CRACR2A: variants seen among roughly 807,000 people sequenced by gnomAD.
CRACR2A encodes EF-hand calcium-binding domain-containing protein 4B.
CRACR2A carries 79 observed loss-of-function variants against 90.5 expected under a neutral mutation model. That is an observed-to-expected ratio of 0.87 (90% CI 0.73 to 1.05). The LOEUF (loss-of-function observed/expected upper bound fraction) is 1.05. CRACR2A is among the 50% of genes least tolerant of loss of function. CRACR2A has a pLI of 0.00. For missense variants in CRACR2A, 823 were observed against 897.2 expected (o/e 0.92, Z 1.06); for synonymous variants, 338 against 356.7 (o/e 0.95, Z 0.59).
intron 3 of CRACR2A, among the ~76,000 whole-genome samples, chr12:3,710,398 G>C (rs1371782160): frequency 1.3e-5 from 2 of 152,102 alleles, no homozygotes; most frequent in Non-Finnish European, 2.9e-5. Flanking sequence ...CAGTTCTGGA[G>C]GCTGGAAGTC....
intron 3 of CRACR2A, among the ~76,000 whole-genome samples, chr12:3,703,103 G>A (rs954352095): frequency 3.3e-5 from 5 of 152,132 alleles, no homozygotes; most frequent in Non-Finnish European, 7.4e-5. Context: ...CAGCTTTTTT[G>A]TTTTTTGTTT....
intron 14 of CRACR2A, among the ~76,000 whole-genome samples, chr12:3,637,015 G>T (rs1014370232): frequency 6.6e-6 from 1 of 152,194 alleles, no homozygotes; most frequent in African/African-American, 2.4e-5. Context: ...CAGGATGAGG[G>T]CTCGAGGGGC....
At chr12:3,673,663 C>G in intron 6 of CRACR2A, 71 bp from the exon 7 acceptor site, 1 of 1,558,710 alleles carries the variant, frequency 6.4e-7, no homozygotes, top group Non-Finnish European at 8.7e-7. Flanking sequence ...GGTTCCCAGA[C>G]AGGAAACTGA....
intron 1 of CRACR2A, among the ~76,000 whole-genome samples, chr12:3,742,314 T>C (rs1355958279): frequency 6.6e-6 from 1 of 152,198 alleles, no homozygotes; most frequent in Non-Finnish European, 1.5e-5. Flanking sequence ...GGTGGTCCCA[T>C]CTTCTTCCAC....
chr12:3,666,033 T>A (rs1945128260), intron 7 of CRACR2A, among the ~76,000 whole-genome samples: 1 of 151,996 alleles, frequency 6.6e-6, no homozygotes, highest in Non-Finnish European at 1.5e-5. Context: ...TGGTCATCTG[T>A]GACCTCAGAG....
intron 11 of CRACR2A, among the ~76,000 whole-genome samples, chr12:3,647,319 A>G (rs148145999): frequency 1.1e-4 from 16 of 151,400 alleles, no homozygotes; most frequent in African/African-American, 3.9e-4. Context: ...TAAGCTTGGT[A>G]ACCCTGGATC....
At chr12:3,695,936 CT>C (rs1202610302) in intron 4 of CRACR2A, among the ~76,000 whole-genome samples, 1 of 152,230 alleles carries the variant, frequency 6.6e-6, no homozygotes, top group Non-Finnish European at 1.5e-5. Flanking sequence ...AACTCTGCCC[CT>C]GGGCTAAACC....
At chr12:3,695,762 C>A (rs1050105897) in intron 4 of CRACR2A, among the ~76,000 whole-genome samples, 2 of 152,190 alleles carry the variant, frequency 1.3e-5, no homozygotes, top group African/African-American at 4.8e-5. Context: ...GTGAGTGACA[C>A]AAAGACTCAG....
intron 10 of CRACR2A, among the ~76,000 whole-genome samples, chr12:3,649,757 T>C (rs1212009773): frequency 6.8e-6 from 1 of 147,524 alleles, no homozygotes; most frequent in East Asian, 2.0e-4. Flanking sequence ...CAAATAGTTG[T>C]AGGAAGAAAG....
chr12:3,649,955 T>A (rs1395565296), intron 10 of CRACR2A, among the ~76,000 whole-genome samples: 2 of 152,088 alleles, frequency 1.3e-5, no homozygotes, highest in Non-Finnish European at 2.9e-5. Flanking sequence ...AGCACTTAGG[T>A]GATAATGGGA....
intron 6 of CRACR2A, among the ~76,000 whole-genome samples, chr12:3,675,330 C>A (rs1171085913): frequency 1.3e-5 from 2 of 151,908 alleles, no homozygotes; most frequent in African/African-American, 4.8e-5. Flanking sequence ...TGGTGACCTC[C>A]CATCCCTGTG....
chr12:3,678,817 C>G, intron 6 of CRACR2A, 98 bp downstream of exon 6: 1 of 1,356,944 alleles, frequency 7.4e-7, no homozygotes, highest in Non-Finnish European at 1.0e-6. Context: ...GTGCAGGGAC[C>G]AGCACCACAT....
At chr12:3,705,591 T>G (rs1945904130) in intron 3 of CRACR2A, among the ~76,000 whole-genome samples, 1 of 152,176 alleles carries the variant, frequency 6.6e-6, no homozygotes, top group South Asian at 2.1e-4. Context: ...CAGGCTTCAG[T>G]GGGAGGGATC....
At chr12:3,619,760 TGGCCAG>T (rs1290875594) in intron 17 of CRACR2A, among the ~76,000 whole-genome samples, 2 of 152,210 alleles carry the variant, frequency 1.3e-5, no homozygotes, top group African/African-American at 4.8e-5. Flanking sequence ...CGTGCCTAAT[TGGCCAG>T]GCTTAGTCCG....
Position 3,641,879 on chromosome 12 carries a change from C to T in CRACR2A, c.1165-41G>A, listed in dbSNP as rs565624275. On this transcript the variant is annotated intron_variant, in intron 12 of 19. Transcript: ENST00000440314. ...ATGTCCTCAGATCCATGCCTATTTG[C>T]TCCGATGTTTGAACAGAAAAGGGCT... 13 of 1,534,958 alleles carry T rather than the reference C, an allele frequency of 8.5e-6. No individual in the cohort carries two copies. In the African/African-American group the frequency reaches 1.6e-4, roughly 19 times the overall value.
chr12:3,648,612 C>A lies in CRACR2A; in HGVS notation c.1048G>T (p.Glu350Ter). The stretch of plus-strand genomic sequence containing the variant: ...AGACTCTCCGTCACACGGTACACTT[C>A]CCTGAGGAGGAGGCAAACACATGGC... Reference protein sequence around the residue: ...ACKLHQEKEMEVYRVTESLQR... With the variant: ...ACKLHQEKEM The change falls in exon 11 of 20, where the codon GAA becomes TAA. Residue 350 changes from glutamate to a stop codon, truncating the protein, a stop_gained and splice_region_variant. Transcript: ENST00000440314. LOFTEE classifies it high-confidence loss of function. The A allele has an allele frequency of 6.2e-7, 1 of 1,612,062 alleles. No individual in the cohort carries two copies. The highest frequency in any genetic ancestry group is 8.5e-7 in the Non-Finnish European group (1 of 1,178,466).
intron 3 of CRACR2A, among the ~76,000 whole-genome samples, chr12:3,697,342 C>T (rs139097822): frequency 6.6e-6 from 1 of 152,212 alleles, no homozygotes; most frequent in Admixed American, 6.5e-5. Flanking sequence ...AACCAAACAA[C>T]AACAAAACAG....
At chr12:3,619,560 T>C (rs144009408) in intron 17 of CRACR2A, among the ~76,000 whole-genome samples, 188 bp from the exon 18 acceptor site, 1 of 151,560 alleles carries the variant, frequency 6.6e-6, no homozygotes, top group Non-Finnish European at 1.5e-5. Context: ...CAGTTTATCA[T>C]GCTTTTGCAA....
chr12:3,629,359 A>T (rs758377073), intron 15 of CRACR2A, among the ~76,000 whole-genome samples: 1 of 152,174 alleles, frequency 6.6e-6, no homozygotes, highest in Non-Finnish European at 1.5e-5. Flanking sequence ...TCCCAGCAAA[A>T]CAGATTACAG....
Sources: allele counts gnomAD v4.1 joint callset (sites outside exome capture counted in the v4.1 genomes callset), GRCh38; gene constraint gnomAD v4.1.1; transcripts MANE v1.5; gene names NCBI Gene and HGNC (gene_info 2026-07-23, HGNC 2026-07-21).